Variants in SPTBN1 observed in about 807,000 individuals in gnomAD.
SPTBN1 encodes spectrin beta, non-erythrocytic 1, also known as spectrin beta chain, non-erythrocytic 1.
Under a neutral mutation model 266.4 loss-of-function variants are expected in SPTBN1, and 32 were observed. That is an observed-to-expected ratio of 0.12 (90% confidence interval 0.09 to 0.16). The LOEUF (loss-of-function observed/expected upper bound fraction) is 0.16, where lower values mean the gene tolerates loss of function less well. SPTBN1 is among the 10% of genes least tolerant of loss of function. The pLI is 1.00. For synonymous variants in SPTBN1, 1,336 were observed against 1,162.2 expected (o/e 1.15, Z -3.04); for missense variants, 2,296 against 3,067.1 (o/e 0.75, Z 5.94).
intron 2 of SPTBN1, among the ~76,000 whole-genome samples, chr2:54,547,585 A>G (rs74775232): frequency 0.043 from 6,475 of 152,288 alleles, 446 homozygotes; most frequent in African/African-American, 0.14. Flanking sequence ...AACAGCGTAC[A>G]AGGGTTCCAA....
intron 1 of SPTBN1, among the ~76,000 whole-genome samples, chr2:54,524,060 A>T (rs1244428546): frequency 6.6e-6 from 1 of 152,142 alleles, no homozygotes. Flanking sequence ...TTAGCTGGGC[A>T]TGGTGGCTCG....
chr2:54,606,649 C>T (rs1223484795), intron 3 of SPTBN1, among the ~76,000 whole-genome samples: 15 of 152,170 alleles, frequency 9.9e-5, no homozygotes, highest in Non-Finnish European at 4.4e-5. Context: ...CACGTTTCAG[C>T]ATGAGAAATG....
At chr2:54,456,975 C>T (rs1349592746) in intron 1 of SPTBN1, among the ~76,000 whole-genome samples, 4 of 151,298 alleles carry the variant, frequency 2.6e-5, no homozygotes, top group African/African-American at 7.3e-5. Context: ...GGTGCCCTCT[C>T]TGTGGCCCCG....
chr2:54,646,614 G>C lies in SPTBN1; in HGVS notation c.4866+139G>C. The C allele has an allele frequency of 9.8e-7, 1 of 1,016,900 alleles. No individual in the cohort carries two copies. Among genetic ancestry groups the C allele is most frequent in the Admixed American group, 3.6e-5 (1 of 27,864 alleles). The allele number at this position is 1,016,900 out of a possible 1,614,324, so 63.0% of individuals were successfully genotyped here. On this transcript the variant is annotated intron_variant, in intron 23 of 35. Coordinates refer to ENST00000356805, the MANE Select transcript of SPTBN1 (RefSeq NM_003128.3). This position sits in a 1 kb window ranked among gnomAD's most constrained non-coding sequence, Gnocchi z 4.4. ...GTTAAGGGGACACCATGTGCATGAA[G>C]GTGTCTGAAATCCAGCTGCTGGTTT...
chr2:54,644,314 G>T lies in SPTBN1; in HGVS notation c.4006-9G>T, dbSNP rs1369099896. ...GTTTATTTACAACCATGTTGGTTTT[G>T]TTTTCCAGGAAGGAATGCAGCTCAT... On this transcript the variant is annotated splice_polypyrimidine_tract_variant and intron_variant, in intron 19 of 35. Coordinates refer to ENST00000356805, the MANE Select transcript of SPTBN1 (RefSeq NM_003128.3). 6.3e-7 allele frequency: 1 copy of T among 1,598,498 alleles called. No homozygotes were observed. The highest frequency in any genetic ancestry group is 1.7e-5 in the Admixed American group (1 of 59,348).
Position 54,664,777 on chromosome 2 carries a change from T to A in SPTBN1, c.6659+86T>A. 7.5e-7 allele frequency: 1 copy of A among 1,336,226 alleles called. No individual in the cohort carries two copies. The highest frequency in any genetic ancestry group is 1.0e-6 in the Non-Finnish European group (1 of 960,190). The allele number at this position is 1,336,226 out of a possible 1,614,324, so 82.8% of individuals were successfully genotyped here. On this transcript the variant is annotated intron_variant, in intron 33 of 35. Coordinates refer to ENST00000356805, the MANE Select transcript of SPTBN1 (RefSeq NM_003128.3). This position sits in a 1 kb window ranked among gnomAD's most constrained non-coding sequence, Gnocchi z 5.6. Reference sequence around the variant, plus strand: ...GGCCACTCTTGAATTGGAAGAGAAGTATGTGCTCATGTAGTTTTATTCCTT... The same window carrying A: ...GGCCACTCTTGAATTGGAAGAGAAGAATGTGCTCATGTAGTTTTATTCCTT...
chr2:54,465,639 C>CAT (rs70944167), intron 1 of SPTBN1, among the ~76,000 whole-genome samples: 4,541 of 116,212 alleles, frequency 0.039, 183 homozygotes, highest in African/African-American at 0.097. Context: ...ATGTTTATCT[C>CAT]ATATATATAT....
At chr2:54,478,422 G>C (rs1214122934) in intron 1 of SPTBN1, among the ~76,000 whole-genome samples, 1 of 152,138 alleles carries the variant, frequency 6.6e-6, no homozygotes, top group South Asian at 2.1e-4. Context: ...TCGTGGAAGA[G>C]CAGTGTTTTC....
intron 30 of SPTBN1, 88 bp downstream of exon 30, chr2:54,658,134 T>A: frequency 6.7e-7 from 1 of 1,502,862 alleles, no homozygotes; most frequent in Non-Finnish European, 9.0e-7. Context: ...TTCACACGAT[T>A]GCTTGTTTTT....
At chr2:54,583,187 C>G (rs1030285240) in intron 2 of SPTBN1, among the ~76,000 whole-genome samples, 2 of 152,020 alleles carry the variant, frequency 1.3e-5, no homozygotes, top group Non-Finnish European at 2.9e-5. Flanking sequence ...GAAGCTTTGA[C>G]CCCTTGACTC....
In SPTBN1 at chr2:54,457,544, G is replaced by C. The variant is rs374362494; in HGVS notation, c.-48+1026G>C. 2.6e-5 allele frequency among the ~76,000 whole-genome samples: 4 copies of C among 152,298 alleles called. No individual in the cohort carries two copies. The East Asian group carries it at 5.8e-4, about 22-fold the overall frequency. ...TTCGGCGGAGCAGAAAATTGAATTC[G>C]GTGGGGTTTATTTGGGCGGGGATGT... On this transcript the variant is annotated intron_variant, in intron 1 of 35. Coordinates refer to ENST00000356805, the MANE Select transcript of SPTBN1 (RefSeq NM_003128.3).
chr2:54,596,204 G>A (rs1339251516), intron 2 of SPTBN1, among the ~76,000 whole-genome samples: 2 of 152,132 alleles, frequency 1.3e-5, no homozygotes, highest in African/African-American at 4.8e-5. Flanking sequence ...CTCCTCCTCA[G>A]ACTGTCTGGC....
chr2:54,597,457 G>A (rs1481103998), intron 2 of SPTBN1, among the ~76,000 whole-genome samples: 1 of 152,126 alleles, frequency 6.6e-6, no homozygotes, highest in Non-Finnish European at 1.5e-5. Context: ...TGTCCTTTTT[G>A]ATCCTGTGTT....
intron 2 of SPTBN1, among the ~76,000 whole-genome samples, chr2:54,590,317 T>C (rs776214493): frequency 6.6e-6 from 1 of 152,232 alleles, no homozygotes. Context: ...CTTTGTGATA[T>C]GAAATTTCCC....
At chr2:54,580,687 T>A (rs1273110902) in intron 2 of SPTBN1, among the ~76,000 whole-genome samples, 1 of 152,102 alleles carries the variant, frequency 6.6e-6, no homozygotes, top group Non-Finnish European at 1.5e-5. Flanking sequence ...TAGTTAATTC[T>A]GAAAGGGTTA....
rs931623442 is a variant in SPTBN1, at chr2:54,649,541, A to G, written c.5203-74A>G. ...CTTGCTTAGAGGCAGTTTCTTTCCA[A>G]AGGGTATTCATGTGATCAAGAAATA... On this transcript the variant is annotated intron_variant, in intron 25 of 35. Transcript: ENST00000356805. This position sits in a 1 kb window ranked among gnomAD's most constrained non-coding sequence, Gnocchi z 6.7. 10 of 1,539,986 alleles carry G rather than the reference A, an allele frequency of 6.5e-6. No homozygotes were observed. The highest frequency in any genetic ancestry group is 7.0e-6 in the Non-Finnish European group (8 of 1,141,664).
At chr2:54,601,327 T>A (rs1315886382) in intron 3 of SPTBN1, among the ~76,000 whole-genome samples, 1 of 152,206 alleles carries the variant, frequency 6.6e-6, no homozygotes, top group African/African-American at 2.4e-5. Flanking sequence ...TTAAAGCTCT[T>A]GTTCATCTGG....
rs1004601489 is a variant in SPTBN1, at chr2:54,558,411, C to G, written c.148+31845C>G. On this transcript the variant is annotated intron_variant, in intron 2 of 35. Transcript: ENST00000356805. The surrounding 1 kb of genome is among the most constrained non-coding windows in gnomAD (Gnocchi z 4.6). ...TGGGAGGAGGTGTGCGCGCTGCGCC[C>G]GCGAGCTCCCGGGCTCGGCAACCGT... 2.9e-5 allele frequency: 29 copies of G among 1,016,738 alleles called. No individual in the cohort carries two copies. Among genetic ancestry groups the G allele is most frequent in the Non-Finnish European group, 3.2e-5 (27 of 850,446 alleles). 63.0% of individuals were successfully genotyped at this position (1,016,738 alleles called of 1,614,324 possible).
chr2:54,625,516 G>A (rs534613005), intron 11 of SPTBN1, among the ~76,000 whole-genome samples: 2 of 151,344 alleles, frequency 1.3e-5, no homozygotes, highest in East Asian at 3.9e-4. Flanking sequence ...GGATTAATGT[G>A]TGCTCAAGAT....
Sources: allele counts gnomAD v4.1 joint callset (sites outside exome capture counted in the v4.1 genomes callset), GRCh38; gene constraint gnomAD v4.1.1; non-coding constraint Gnocchi (gnomAD v3.1); transcripts MANE v1.5; gene names NCBI Gene and HGNC (gene_info 2026-07-23, HGNC 2026-07-21).